CTNNA3: variants seen among roughly 807,000 people sequenced by gnomAD.
CTNNA3 encodes the protein catenin alpha 3.
A neutral mutation model predicts 95.7 loss-of-function variants in CTNNA3; 76 were observed. That is an observed-to-expected ratio of 0.79 (90% CI 0.66 to 0.96). The LOEUF is 0.96. Among genes scored for constraint, CTNNA3 ranks in the 40% least tolerant of loss-of-function variants. The pLI, the probability that CTNNA3 is intolerant of heterozygous loss-of-function variation, is 0.00. For missense variants in CTNNA3, 1,191 were observed against 1,089.8 expected (o/e 1.09, Z -1.31); for synonymous variants, 431 against 374.4 (o/e 1.15, Z -1.74).
chr10:66,352,416 T>C (rs1479445975), intron 12 of CTNNA3, among the ~76,000 whole-genome samples: 5 of 151,924 alleles, frequency 3.3e-5, no homozygotes, highest in African/African-American at 4.8e-5. Context: ...ATAGAGATAG[T>C]TTTCCAAGAA....
chr10:66,451,812 A>C (rs138262582), intron 11 of CTNNA3, among the ~76,000 whole-genome samples: 3 of 152,336 alleles, frequency 2.0e-5, no homozygotes, highest in African/African-American at 7.2e-5. Context: ...TCCTTTTACC[A>C]TGTCATAAAG....
chr10:67,131,907 G>C (rs1400455168), intron 7 of CTNNA3, among the ~76,000 whole-genome samples: 1 of 151,988 alleles, frequency 6.6e-6, no homozygotes, highest in Admixed American at 6.6e-5. Flanking sequence ...ACTTAGAATG[G>C]GAATTCAGAA....
intron 12 of CTNNA3, among the ~76,000 whole-genome samples, chr10:66,338,464 G>A (rs1401882576): frequency 5.3e-5 from 8 of 151,926 alleles, no homozygotes; most frequent in Admixed American, 6.6e-5. Context: ...CTCAAAAAGT[G>A]CTTAGGCCAT....
chr10:66,362,996 G>A (rs1232612001), intron 12 of CTNNA3, among the ~76,000 whole-genome samples: 1 of 152,050 alleles, frequency 6.6e-6, no homozygotes, highest in Non-Finnish European at 1.5e-5. Flanking sequence ...TATAAACTTA[G>A]ATCAGATGAC....
At chr10:67,356,537 G>A (rs1842815120) in intron 5 of CTNNA3, among the ~76,000 whole-genome samples, 1 of 151,996 alleles carries the variant, frequency 6.6e-6, no homozygotes, top group Non-Finnish European at 1.5e-5. Flanking sequence ...AAACTTCAAT[G>A]AGCTTGTCCT....
intron 5 of CTNNA3, among the ~76,000 whole-genome samples, chr10:67,294,920 G>T (rs1564542629): frequency 6.6e-6 from 1 of 152,112 alleles, no homozygotes; most frequent in African/African-American, 2.4e-5. Context: ...ACGATATATT[G>T]CTCAGGCAAA....
chr10:66,907,852 C>T (rs559307855), intron 7 of CTNNA3, among the ~76,000 whole-genome samples: 1 of 152,236 alleles, frequency 6.6e-6, no homozygotes, highest in South Asian at 2.1e-4. Context: ...CCCAGACTGT[C>T]CCTTGTCATA....
intron 7 of CTNNA3, among the ~76,000 whole-genome samples, chr10:66,896,103 A>G (rs1473872656): frequency 4.6e-5 from 7 of 152,094 alleles, no homozygotes; most frequent in African/African-American, 1.7e-4. Context: ...ATCTCAAAAA[A>G]ATATAAAATA....
At chr10:67,512,947 T>C (rs1263785866) in intron 5 of CTNNA3, among the ~76,000 whole-genome samples, 6 of 152,184 alleles carry the variant, frequency 3.9e-5, no homozygotes, top group Non-Finnish European at 8.8e-5. Context: ...ATCGCGTCAC[T>C]GACTCCAGCC....
chr10:66,115,814 G>A (rs1006282491), intron 13 of CTNNA3, among the ~76,000 whole-genome samples: 4 of 151,988 alleles, frequency 2.6e-5, no homozygotes, highest in Non-Finnish European at 5.9e-5. Flanking sequence ...TAAGCAGGAC[G>A]GCCAAAACTG....
chr10:66,373,801 T>C (rs1589155675), intron 12 of CTNNA3, among the ~76,000 whole-genome samples: 1 of 152,216 alleles, frequency 6.6e-6, no homozygotes, highest in East Asian at 1.9e-4. Flanking sequence ...ACAGACGTAG[T>C]TCAATGATGG....
chr10:66,297,245 G>A (rs757303535), intron 12 of CTNNA3, among the ~76,000 whole-genome samples: 1 of 151,936 alleles, frequency 6.6e-6, no homozygotes, highest in African/African-American at 2.4e-5. Flanking sequence ...CTTGAAATAG[G>A]TTAATCATTG....
intron 17 of CTNNA3, among the ~76,000 whole-genome samples, chr10:65,933,505 A>C (rs947170372): frequency 5.9e-5 from 9 of 152,168 alleles, no homozygotes; most frequent in African/African-American, 2.2e-4. Context: ...GGGCCTACTC[A>C]TAAGAAATGT....
At chr10:67,203,630 T>C (rs563314824) in intron 6 of CTNNA3, among the ~76,000 whole-genome samples, 77 of 152,256 alleles carry the variant, frequency 5.1e-4, no homozygotes, top group African/African-American at 1.7e-3. Context: ...TTACATTGGG[T>C]TTTTATTACA....
chr10:67,153,652 G>C (rs1203860274), intron 7 of CTNNA3, among the ~76,000 whole-genome samples: 1 of 152,168 alleles, frequency 6.6e-6, no homozygotes, highest in African/African-American at 2.4e-5. Flanking sequence ...ATTTAGAGTA[G>C]ATTTCTATAT....
intron 11 of CTNNA3, among the ~76,000 whole-genome samples, chr10:66,404,726 G>T (rs536416880): frequency 1.3e-5 from 2 of 151,806 alleles, no homozygotes; most frequent in Admixed American, 1.3e-4. Flanking sequence ...TGAATGTGGT[G>T]TAGTTCAACA....
chr10:66,343,987 G>A (rs2092478612), intron 12 of CTNNA3, among the ~76,000 whole-genome samples: 2 of 151,796 alleles, frequency 1.3e-5, no homozygotes, highest in Admixed American at 6.6e-5. Flanking sequence ...AGCACTTTGG[G>A]AGGGTGAGAC....
chr10:66,464,772 A>T (rs751001961), intron 11 of CTNNA3, among the ~76,000 whole-genome samples: 1 of 151,900 alleles, frequency 6.6e-6, no homozygotes, highest in Non-Finnish European at 1.5e-5. Flanking sequence ...AAAAATAAAA[A>T]AAAAAACAAA....
At chr10:66,317,136 C>T (rs1283370248) in intron 12 of CTNNA3, among the ~76,000 whole-genome samples, 2 of 151,834 alleles carry the variant, frequency 1.3e-5, no homozygotes, top group African/African-American at 2.4e-5. Flanking sequence ...ATCAGTTAGA[C>T]AATAAGATAA....
Sources: allele counts gnomAD v4.1 joint callset (sites outside exome capture counted in the v4.1 genomes callset), GRCh38; gene constraint gnomAD v4.1.1; transcripts MANE v1.5; gene names NCBI Gene and HGNC (gene_info 2026-07-23, HGNC 2026-07-21).